Variants in ADAM32 observed in about 807,000 individuals in gnomAD.
ADAM32 encodes disintegrin and metalloproteinase domain-containing protein 32.
In ADAM32, 89 loss-of-function variants were observed where a neutral mutation model predicts 114.9. The observed-to-expected ratio is 0.77, with a 90% CI of 0.65 to 0.92. The LOEUF (loss-of-function observed/expected upper bound fraction) is 0.92, where lower values mean the gene tolerates loss of function less well. Among genes scored for constraint, ADAM32 ranks in the 40% least tolerant of loss-of-function variants. The pLI, the probability that ADAM32 is intolerant of heterozygous loss-of-function variation, is 0.00. For missense variants in ADAM32, 870 were observed against 932.8 expected, an observed-to-expected ratio of 0.93 and a Z score of 0.88; for synonymous variants, 285 against 307.5, an observed-to-expected ratio of 0.93 and a Z score of 0.77.
At chr8:39,121,712 G>A (rs979486955) in intron 2 of ADAM32, among the ~76,000 whole-genome samples, 5 of 152,172 alleles carry the variant, frequency 3.3e-5, no homozygotes, top group African/African-American at 1.2e-4. Context: ...TTCAGAGAGT[G>A]GGGCCACCTC....
chr8:39,129,047 T>TA (rs1373364612), intron 2 of ADAM32, among the ~76,000 whole-genome samples: 3 of 152,156 alleles, frequency 2.0e-5, no homozygotes, highest in African/African-American at 7.2e-5. Flanking sequence ...GAAATACACA[T>TA]ACACATTGAT....
At chr8:39,180,873 C>A (rs1157869541) in intron 10 of ADAM32, among the ~76,000 whole-genome samples, 2 of 152,136 alleles carry the variant, frequency 1.3e-5, no homozygotes, top group African/African-American at 4.8e-5. Flanking sequence ...CTGTCTAGCT[C>A]AGGGTTTGTG....
At chr8:39,116,443 A>G (rs986173982) in intron 1 of ADAM32, among the ~76,000 whole-genome samples, 2 of 152,058 alleles carry the variant, frequency 1.3e-5, no homozygotes, top group Middle Eastern at 3.4e-3. Flanking sequence ...CCTTGTAGAG[A>G]TCTTTCACCT....
chr8:39,196,772 A>G (rs1807032030), intron 11 of ADAM32, among the ~76,000 whole-genome samples: 1 of 151,930 alleles, frequency 6.6e-6, no homozygotes, highest in Non-Finnish European at 1.5e-5. Flanking sequence ...GTCTATGTTC[A>G]TTGGGGATAT....
At chr8:39,160,810 G>C in intron 6 of ADAM32, 87 bp from the exon 7 acceptor site, 1 of 1,129,372 alleles carries the variant, frequency 8.9e-7, no homozygotes, top group Non-Finnish European at 1.3e-6. Flanking sequence ...TATCTTGTAA[G>C]TGCTGTGGTA....
chr8:39,154,033 C>CATATATATATATATATAT (rs59934573), intron 6 of ADAM32, among the ~76,000 whole-genome samples: 4,695 of 139,038 alleles, frequency 0.034, 114 homozygotes, highest in Non-Finnish European at 0.048. Flanking sequence ...GAAAGTTCCT[C>CATATATATATATATATAT]ATATATATAT....
rs180960138 is a variant in ADAM32, at chr8:39,217,258, A to T, written c.1234-4352A>T. Among the ~76,000 whole-genome samples, 11 of 152,028 alleles carry T rather than the reference A, an allele frequency of 7.2e-5. No homozygotes were observed. In the East Asian group the frequency reaches 2.1e-3, roughly 29 times the overall value. On this transcript the variant is annotated intron_variant, in intron 12 of 24. Transcript: ENST00000379907. ...ACATATTGAATCTCCATTGTATATT[A>T]TTTGTTCCTTTTCTCTTGCTGCTTT...
chr8:39,248,515 T>G (rs987702140), intron 17 of ADAM32, among the ~76,000 whole-genome samples: 1 of 152,178 alleles, frequency 6.6e-6, no homozygotes, highest in Non-Finnish European at 1.5e-5. Context: ...ATAGGAAAAT[T>G]ATTGGCTTTT....
chr8:39,205,023 G>A (rs544607644), intron 11 of ADAM32, among the ~76,000 whole-genome samples: 1 of 152,238 alleles, frequency 6.6e-6, no homozygotes. Flanking sequence ...CCTGTGAGGT[G>A]TCAGTCTGCC....
At chr8:39,199,687 A>G (rs1415957560) in intron 11 of ADAM32, among the ~76,000 whole-genome samples, 1 of 151,980 alleles carries the variant, frequency 6.6e-6, no homozygotes, top group East Asian at 1.9e-4. Context: ...TTTGTTACAT[A>G]TGTATACATG....
chr8:39,146,411 A>ATTTTT (rs367827964), intron 3 of ADAM32, among the ~76,000 whole-genome samples: 2 of 138,754 alleles, frequency 1.4e-5, no homozygotes, highest in African/African-American at 5.5e-5. Flanking sequence ...TGTCTATTAA[A>ATTTTT]TTTTTTTTTT....
Position 39,193,994 on chromosome 8 carries a change from G to A in ADAM32, c.1052+6949G>A, listed in dbSNP as rs552163145. The stretch of plus-strand genomic sequence containing the variant: ...ATTTGCATGTGCCAACAGCAGTGGC[G>A]GTGGCGGCACAGTGGGGTGCATGCT... On this transcript the variant is annotated intron_variant, in intron 11 of 24. Transcript: ENST00000379907. Among the ~76,000 whole-genome samples, 26 of 152,300 alleles carry A rather than the reference G, an allele frequency of 1.7e-4. No individual in the cohort carries two copies. The South Asian group carries it at 1.9e-3, about 11-fold the overall frequency.
rs1804740317 is a variant in ADAM32 at position 39,165,032 on chromosome 8, G to A, written c.669G>A (p.Met223Ile). Residue 223 changes from methionine to isoleucine, a missense_variant and splice_region_variant, in exon 9 of 25, where the codon ATG (methionine) becomes ATA (isoleucine). Physicochemically the swap from Met to Ile is conservative, Grantham distance 10. Transcript: ENST00000379907. ...GTATTTATCTCTTCTGTTTTTAGATGTTCACCCAATTTAAAGTTACTATTG... is the reference window on the plus strand; with the variant it reads ...GTATTTATCTCTTCTGTTTTTAGATATTCACCCAATTTAAAGTTACTATTG... ...VIEIVGLANS[M>I]FTQFKVTIVL... 6.3e-7 allele frequency: 1 copy of A among 1,592,072 alleles called. No homozygotes were observed.
chr8:39,151,596 C>A, intron 6 of ADAM32, 48 bp downstream of exon 6: 1 of 1,265,460 alleles, frequency 7.9e-7, no homozygotes, highest in Non-Finnish European at 1.1e-6. Flanking sequence ...TTATTACTTC[C>A]ATTTAATTTA....
intron 11 of ADAM32, among the ~76,000 whole-genome samples, chr8:39,192,154 G>T (rs1453328258): frequency 2.0e-5 from 3 of 152,164 alleles, no homozygotes; most frequent in African/African-American, 7.2e-5. Flanking sequence ...ATTTCTTCTA[G>T]ATTTCCTAGC....
chr8:39,232,635 A>G (rs568035960), intron 15 of ADAM32, among the ~76,000 whole-genome samples: 136 of 152,326 alleles, frequency 8.9e-4, no homozygotes, highest in Non-Finnish European at 1.6e-3. Flanking sequence ...ACTCATAAAC[A>G]TACCATAAAG....
At chr8:39,119,310 A>C (rs1221949949) in intron 2 of ADAM32, among the ~76,000 whole-genome samples, 1 of 152,234 alleles carries the variant, frequency 6.6e-6, no homozygotes, top group East Asian at 1.9e-4. Context: ...TAGTGACTGT[A>C]CCAATTTACA....
chr8:39,130,804 A>G, intron 2 of ADAM32: 1 of 443,408 alleles, frequency 2.3e-6, no homozygotes, highest in Non-Finnish European at 4.5e-6. Context: ...GGCCTAGAAT[A>G]TGGTCAATCA....
intron 16 of ADAM32, among the ~76,000 whole-genome samples, chr8:39,242,536 G>A (rs1199742187): frequency 6.6e-6 from 1 of 152,202 alleles, no homozygotes; most frequent in African/African-American, 2.4e-5. Context: ...AGAGAAGAGA[G>A]CTTGTGCAGT....
Sources: allele counts gnomAD v4.1 joint callset (sites outside exome capture counted in the v4.1 genomes callset), GRCh38; gene constraint gnomAD v4.1.1; transcripts MANE v1.5; gene names NCBI Gene and HGNC (gene_info 2026-07-23, HGNC 2026-07-21).